The following RYR2 variants were observed in gnomAD, a reference collection of about 807,000 sequenced individuals.
The protein encoded by RYR2 is cardiac muscle ryanodine receptor-calcium release channel.
A neutral mutation model predicts 601.1 loss-of-function variants in RYR2; 227 were observed. The observed-to-expected ratio is 0.38, with a 90% confidence interval of 0.34 to 0.42. RYR2 has a LOEUF of 0.42. RYR2 is among the 10% of genes least tolerant of loss of function. RYR2 has a pLI of 1.00. For missense variants in RYR2, 4,646 were observed against 6,156.5 expected (o/e 0.75, Z 8.21); for synonymous variants, 2,223 against 2,175.1 (o/e 1.02, Z -0.61).
chr1:237,449,412 T>C (rs1221000555), intron 14 of RYR2, among the ~76,000 whole-genome samples: 1 of 152,194 alleles, frequency 6.6e-6, no homozygotes. Context: ...AATAGTATAC[T>C]TCCCTCCCAG....
At chr1:237,051,738 G>A (rs1399038658) in intron 1 of RYR2, among the ~76,000 whole-genome samples, 1 of 152,140 alleles carries the variant, frequency 6.6e-6, no homozygotes, top group Non-Finnish European at 1.5e-5. Flanking sequence ...ATCCCTCAGA[G>A]GTAGCTACCT....
rs1367155245 is a variant in RYR2 at position 237,801,850 on chromosome 1, T to C, written c.14091-6T>C. On this transcript the variant is annotated splice_polypyrimidine_tract_variant and splice_region_variant and intron_variant, in intron 97 of 104. Coordinates refer to ENST00000366574, the MANE Select transcript of RYR2 (RefSeq NM_001035.3). Reference sequence around the variant, plus strand: ...AACTACGCATTTTTTTTTTTTGTCATTGCAGACTGAACTCCATTGATGTGA... The same window carrying C: ...AACTACGCATTTTTTTTTTTTGTCACTGCAGACTGAACTCCATTGATGTGA... 2 of 1,572,366 alleles carry C rather than the reference T, an allele frequency of 1.3e-6. No individual in the cohort carries two copies. The highest frequency in any genetic ancestry group is 2.3e-5 in the South Asian group (2 of 88,326).
At chr1:237,258,117 G>A (rs1688166991) in intron 1 of RYR2, among the ~76,000 whole-genome samples, 1 of 148,450 alleles carries the variant, frequency 6.7e-6, no homozygotes, top group African/African-American at 2.5e-5. Flanking sequence ...GCAGTGAGCC[G>A]AGATCGTGCC....
chr1:237,385,515 T>C (rs975283979), intron 8 of RYR2, among the ~76,000 whole-genome samples: 16 of 152,230 alleles, frequency 1.1e-4, no homozygotes, highest in African/African-American at 3.9e-4. Context: ...ACTATTAATA[T>C]ACATAGTACA....
At chr1:237,346,121 T>G (rs905377369) in intron 3 of RYR2, among the ~76,000 whole-genome samples, 3 of 151,946 alleles carry the variant, frequency 2.0e-5, no homozygotes, top group African/African-American at 7.3e-5. Context: ...ATCCCAGTAC[T>G]TTGGGAGGCT....
chr1:237,680,005 T>C (rs1158630731), intron 61 of RYR2, among the ~76,000 whole-genome samples: 1 of 152,204 alleles, frequency 6.6e-6, no homozygotes, highest in African/African-American at 2.4e-5. Flanking sequence ...TAAGTAGCAA[T>C]GTGACCTTCG....
At chr1:237,603,435 G>T (rs1676734092) in intron 35 of RYR2, among the ~76,000 whole-genome samples, 1 of 152,280 alleles carries the variant, frequency 6.6e-6, no homozygotes. Context: ...GCCCCAAGGG[G>T]CTCTTGCTTC....
intron 1 of RYR2, among the ~76,000 whole-genome samples, chr1:237,187,348 C>G (rs1189420961): frequency 6.6e-6 from 1 of 150,984 alleles, no homozygotes; most frequent in African/African-American, 2.4e-5. Context: ...CCATGTTGGC[C>G]AGGATGGTTG....
intron 2 of RYR2, among the ~76,000 whole-genome samples, chr1:237,274,726 G>T (rs1184787535): frequency 6.6e-6 from 1 of 152,102 alleles, no homozygotes; most frequent in African/African-American, 2.4e-5. Context: ...GGTCGTGCAA[G>T]CTCCATTTAT....
rs72767760 is a variant in RYR2 at position 237,507,888 on chromosome 1, T to C, written c.2718+1074T>C. On this transcript the variant is annotated intron_variant, in intron 23 of 104. Transcript: ENST00000366574. The stretch of plus-strand genomic sequence containing the variant: ...AGCATGACCAGAAAATGGGATGCTT[T>C]TATTAACTAAATGATAGTTAGACAT... Among the ~76,000 whole-genome samples the C allele has an allele frequency of 3.6e-3, 555 of 152,364 alleles. 4 individuals carry two copies. The highest frequency in any genetic ancestry group is 6.5e-3 in the Non-Finnish European group (439 of 68,028).
Position 237,723,251 on chromosome 1 carries a change from C to A in RYR2, c.10678C>A (p.His3560Asn). The change falls in exon 74 of 105, where the codon CAT (histidine) becomes AAT (asparagine). Residue 3560 changes from histidine (H) to asparagine (N), a missense_variant. His to Asn is a moderately conservative substitution (Grantham distance 68). Around this residue, in one of 17 missense-constraint regions of RYR2, gnomAD observed 1,497 missense variants for 1,842.6 expected, o/e 0.81. Transcript: ENST00000366574. ...RVLDIANVLF[H>N]LEQKSKRVGR... is the part of the protein sequence containing the mutation. ...ATTGGATATAGCAAATGTGCTTTTT[C>A]ATCTTGAACAGGTCAGGCTTTGTGT... The A allele has an allele frequency of 6.2e-7, 1 of 1,611,412 alleles. No individual in the cohort carries two copies. The highest frequency in any genetic ancestry group is 8.5e-7 in the Non-Finnish European group (1 of 1,178,138).
chr1:237,817,128 G>A (rs979758083), intron 100 of RYR2, among the ~76,000 whole-genome samples: 1 of 152,134 alleles, frequency 6.6e-6, no homozygotes, highest in Non-Finnish European at 1.5e-5. Flanking sequence ...GCCAGGCTGA[G>A]TCTACAACCA....
chr1:237,445,623 A>G, intron 14 of RYR2, 101 bp downstream of exon 14: 1 of 1,412,316 alleles, frequency 7.1e-7, no homozygotes, highest in Non-Finnish European at 9.8e-7. Context: ...ATGGTAATAA[A>G]TCTCATACTG....
intron 4 of RYR2, 132 bp downstream of exon 4, chr1:237,356,117 G>A: frequency 1.3e-6 from 1 of 764,398 alleles, no homozygotes; most frequent in African/African-American, 1.8e-5. Context: ...TCGTTGTAAT[G>A]AACACATGTT....
chr1:237,568,612 G>T (rs1255637976), intron 28 of RYR2, among the ~76,000 whole-genome samples: 1 of 152,106 alleles, frequency 6.6e-6, no homozygotes, highest in Non-Finnish European at 1.5e-5. Context: ...GTATGTAACT[G>T]AAATGCTTCT....
chr1:237,184,769 T>A (rs1679164384), intron 1 of RYR2, among the ~76,000 whole-genome samples: 1 of 152,188 alleles, frequency 6.6e-6, no homozygotes, highest in Non-Finnish European at 1.5e-5. Context: ...TATTAGGTTT[T>A]AAATTTTTTT....
chr1:237,146,969 A>G (rs938335063), intron 1 of RYR2, among the ~76,000 whole-genome samples: 5 of 152,186 alleles, frequency 3.3e-5, no homozygotes, highest in Admixed American at 2.0e-4. Context: ...CCTTAATTTT[A>G]TACCAGCTTT....
intron 54 of RYR2, among the ~76,000 whole-genome samples, chr1:237,658,306 A>T (rs1683445106): frequency 8.0e-5 from 2 of 24,986 alleles, no homozygotes; most frequent in South Asian, 1.2e-3. Flanking sequence ...TATCAGAGTA[A>T]AAAAGCAACA....
At chr1:237,782,044 G>A (rs1185796542) in intron 89 of RYR2, among the ~76,000 whole-genome samples, 5 of 152,036 alleles carry the variant, frequency 3.3e-5, no homozygotes, top group African/African-American at 1.2e-4. Flanking sequence ...CACTCCTTTG[G>A]GTTCTTAAAG....
Sources: allele counts gnomAD v4.1 joint callset (sites outside exome capture counted in the v4.1 genomes callset), GRCh38; gene constraint gnomAD v4.1.1; regional missense constraint gnomAD v4.1.1; transcripts MANE v1.5; gene names NCBI Gene and HGNC (gene_info 2026-07-23, HGNC 2026-07-21).